Variants in SOS1 observed in about 807,000 individuals in gnomAD.
SOS1 encodes the protein son of sevenless homolog 1.
SOS1 carries 25 observed loss-of-function variants against 157.6 expected under a neutral mutation model. The observed-to-expected ratio is 0.16, with a 90% CI of 0.12 to 0.22. The LOEUF (loss-of-function observed/expected upper bound fraction) is 0.22. Ranked by LOEUF, SOS1 falls within the 10% of genes least tolerant of loss-of-function variation. SOS1 has a pLI of 1.00. For synonymous variants in SOS1, 528 were observed against 534.0 expected (o/e 0.99, Z 0.16); for missense variants, 1,237 against 1,599.1 (o/e 0.77, Z 3.86).
intron 2 of SOS1, among the ~76,000 whole-genome samples, chr2:39,062,979 G>A (rs192474740): frequency 2.0e-5 from 3 of 152,078 alleles, no homozygotes; most frequent in Admixed American, 2.0e-4. Context: ...GCATTCCCCA[G>A]CATTAAAATA....
chr2:39,054,165 G>T lies in SOS1; in HGVS notation c.720+449C>A, dbSNP rs1182610682. Reference sequence around the variant, plus strand: ...GATGGTCTCCATCTCCTGACCTCGTGATCTGCCCGCCTCGGCCTCCCAAAG... The same window carrying T: ...GATGGTCTCCATCTCCTGACCTCGTTATCTGCCCGCCTCGGCCTCCCAAAG... On this transcript the variant is annotated intron_variant, in intron 5 of 22. Transcript: ENST00000402219. Among the ~76,000 whole-genome samples, 4 of 152,178 alleles carry T rather than the reference G, an allele frequency of 2.6e-5. No individual in the cohort carries two copies. The East Asian group carries it at 7.7e-4, about 29-fold the overall frequency.
chr2:39,102,530 C>CA (rs70954782), intron 1 of SOS1, among the ~76,000 whole-genome samples: 42,424 of 50,668 alleles, frequency 0.84, 18,466 homozygotes, highest in South Asian at 0.91. Context: ...GACTCCATCT[C>CA]AAAAAAAAAA....
chr2:38,995,093 C>G (rs762547532), intron 20 of SOS1, 30 bp downstream of exon 20: 2 of 1,600,746 alleles, frequency 1.2e-6, no homozygotes, highest in East Asian at 2.2e-5. Context: ...CTAACAAATA[C>G]CTTAATGCAC....
intron 15 of SOS1, among the ~76,000 whole-genome samples, chr2:39,008,916 G>A (rs1374434669): frequency 7.4e-6 from 1 of 135,114 alleles, no homozygotes; most frequent in Non-Finnish European, 1.6e-5. Flanking sequence ...AAAAACAGAT[G>A]AGGTATGCAA....
At chr2:38,994,434 T>C (rs1038358889) in intron 20 of SOS1, among the ~76,000 whole-genome samples, 1 of 152,144 alleles carries the variant, frequency 6.6e-6, no homozygotes, top group African/African-American at 2.4e-5. Flanking sequence ...AGGGGACCAC[T>C]GGGTAGACGA....
intron 1 of SOS1, among the ~76,000 whole-genome samples, chr2:39,078,098 T>A (rs939013161): frequency 2.6e-5 from 4 of 152,144 alleles, no homozygotes; most frequent in African/African-American, 7.2e-5. Flanking sequence ...TTTTCTAAAA[T>A]GGGCAAAAGT....
At chr2:39,111,054 G>A (rs780737709) in intron 1 of SOS1, among the ~76,000 whole-genome samples, 2 of 152,198 alleles carry the variant, frequency 1.3e-5, no homozygotes, top group Non-Finnish European at 2.9e-5. Flanking sequence ...CCAACATGGC[G>A]AAACCCTGTC....
At chr2:39,045,772 T>C (rs895322143) in intron 6 of SOS1, among the ~76,000 whole-genome samples, 1 of 152,128 alleles carries the variant, frequency 6.6e-6, no homozygotes, top group African/African-American at 2.4e-5. Flanking sequence ...TGCAGTGGCA[T>C]GATCTAGGCT....
chr2:39,021,420 C>T (rs970745979), intron 10 of SOS1, among the ~76,000 whole-genome samples: 1 of 148,352 alleles, frequency 6.7e-6, no homozygotes, highest in Non-Finnish European at 1.5e-5. Flanking sequence ...TCAAGTCTTA[C>T]AGAAACAATT....
intron 3 of SOS1, among the ~76,000 whole-genome samples, chr2:39,057,446 G>C (rs1459797431): frequency 6.6e-6 from 1 of 152,036 alleles, no homozygotes; most frequent in Non-Finnish European, 1.5e-5. Flanking sequence ...ACTTCAAAGA[G>C]AATATGGGCT....
chr2:39,067,505 A>G (rs1413641185), intron 2 of SOS1, 123 bp downstream of exon 2: 1 of 887,890 alleles, frequency 1.1e-6, no homozygotes, highest in African/African-American at 1.7e-5. Context: ...AAAGAGTTAA[A>G]TCCAGGCTTC....
chr2:39,095,119 T>G (rs1672725125), intron 1 of SOS1, among the ~76,000 whole-genome samples: 2 of 152,178 alleles, frequency 1.3e-5, no homozygotes. Flanking sequence ...TTTAAAAACC[T>G]CAGTTACAAA....
Position 39,023,127 on chromosome 2 carries a change from C to A in SOS1, c.1301G>T (p.Gly434Val). ...ATTACAACACTGTCCAATGTCTTTT[C>A]CCTCCCAACCATCAATATTCTTCTG... The part of the protein sequence containing the change: ...EIQKNIDGWE[G>V]KDIGQCCNEF... Residue 434 changes from glycine (G) to valine (V), a missense_variant, in exon 10 of 23, where the codon GGA becomes GTA. Around this residue, in one of 15 missense-constraint regions of SOS1, gnomAD observed 210 missense variants for 220.2 expected, o/e 0.95. Coordinates refer to ENST00000402219, the MANE Select transcript of SOS1 (RefSeq NM_005633.4). 6.2e-7 allele frequency: 1 copy of A among 1,613,280 alleles called. No individual in the cohort carries two copies. The highest frequency in any genetic ancestry group is 8.5e-7 in the Non-Finnish European group (1 of 1,179,494).
intron 17 of SOS1, among the ~76,000 whole-genome samples, chr2:39,004,406 CAAAAAAAA>C (rs60882005): frequency 4.5e-5 from 3 of 66,534 alleles, no homozygotes; most frequent in South Asian, 6.3e-4. Context: ...GACTCTGTGT[CAAAAAAAA>C]AAAAAAAAAA....
At chr2:38,994,651 G>A (rs1169134035) in intron 20 of SOS1, among the ~76,000 whole-genome samples, 1 of 152,144 alleles carries the variant, frequency 6.6e-6, no homozygotes, top group Non-Finnish European at 1.5e-5. Context: ...AACTTCCAAT[G>A]AGCATTTCCT....
chr2:39,113,489 GT>G (rs1195044313), intron 1 of SOS1, among the ~76,000 whole-genome samples: 5 of 151,470 alleles, frequency 3.3e-5, no homozygotes, highest in Non-Finnish European at 7.4e-5. Flanking sequence ...GCAATATAGT[GT>G]TTAAAAATAC....
At chr2:39,001,729 G>C (rs372241345) in intron 17 of SOS1, among the ~76,000 whole-genome samples, 6 of 152,110 alleles carry the variant, frequency 3.9e-5, no homozygotes, top group African/African-American at 1.4e-4. Flanking sequence ...ATGAAAGGCT[G>C]TCTAACTCCA....
chr2:39,067,546 G>A, intron 2 of SOS1, 82 bp downstream of exon 2: 2 of 1,260,958 alleles, frequency 1.6e-6, no homozygotes, highest in South Asian at 1.2e-5. Context: ...TATAGAGAGA[G>A]CAAATTCTTT....
At chr2:39,083,198 T>C (rs987197898) in intron 1 of SOS1, among the ~76,000 whole-genome samples, 1 of 152,132 alleles carries the variant, frequency 6.6e-6, no homozygotes, top group Non-Finnish European at 1.5e-5. Flanking sequence ...CCAATTCGGA[T>C]GATTAACTTT....
Sources: allele counts gnomAD v4.1 joint callset (sites outside exome capture counted in the v4.1 genomes callset), GRCh38; gene constraint gnomAD v4.1.1; regional missense constraint gnomAD v4.1.1; transcripts MANE v1.5; gene names NCBI Gene and HGNC (gene_info 2026-07-23, HGNC 2026-07-21).